The following SYT1 variants were observed in gnomAD, a reference collection of about 807,000 sequenced individuals.
SYT1 encodes the protein synaptotagmin 1, also known as synaptotagmin-1.
A neutral mutation model predicts 44.8 loss-of-function variants in SYT1; 8 were observed. The observed-to-expected ratio is 0.18, with a 90% CI of 0.10 to 0.32. The LOEUF (loss-of-function observed/expected upper bound fraction) is 0.32. Ranked by LOEUF, SYT1 falls within the 10% of genes least tolerant of loss-of-function variation. The probability of loss-of-function intolerance (pLI) is 1.00; values close to 1 mark genes in which losing one functional copy is unlikely to be tolerated. For missense variants in SYT1, 286 were observed against 509.3 expected (o/e 0.56, Z 4.22); for synonymous variants, 154 against 188.8 (o/e 0.82, Z 1.51).
chr12:79,402,159 C>A (rs1303410235), intron 9 of SYT1, among the ~76,000 whole-genome samples: 1 of 152,086 alleles, frequency 6.6e-6, no homozygotes, highest in Non-Finnish European at 1.5e-5. Context: ...CTACACTCCA[C>A]CCATCGCAAG....
intron 3 of SYT1, among the ~76,000 whole-genome samples, chr12:79,209,155 C>G (rs1406016786): frequency 6.6e-6 from 1 of 152,166 alleles, no homozygotes; most frequent in Non-Finnish European, 1.5e-5. Context: ...TTGCTTCCCA[C>G]TTACTTCCCT....
rs114302789 is a variant in SYT1, at chr12:79,208,781, G to A, written c.-17-8722G>A. 6.3e-3 allele frequency among the ~76,000 whole-genome samples: 962 copies of A among 152,274 alleles called. 10 individuals are homozygous for A. The highest frequency in any genetic ancestry group is 0.022 in the African/African-American group (925 of 41,548). On this transcript the variant is annotated intron_variant, in intron 3 of 10. Transcript: ENST00000261205. ...ACACCTCTTCAATGTTTGTATTGTG[G>A]GATTTGTGACATTGCGGAAGAATGT...
At chr12:78,919,831 T>G (rs1876878412) in intron 1 of SYT1, among the ~76,000 whole-genome samples, 1 of 152,044 alleles carries the variant, frequency 6.6e-6, no homozygotes, top group Non-Finnish European at 1.5e-5. Context: ...AATTTTTACC[T>G]GTCCAAGAAA....
In SYT1 at chr12:79,378,968, C is replaced by T. The variant is rs142880536; in HGVS notation, c.928+25349C>T. On this transcript the variant is annotated intron_variant, in intron 9 of 10. Transcript: ENST00000261205. ...TCCAAAATCGATAGAAAAATTAGTACATGTTTGAAAACAGACTTTGGGTCA... is the reference window on the plus strand; with the variant it reads ...TCCAAAATCGATAGAAAAATTAGTATATGTTTGAAAACAGACTTTGGGTCA... Among the ~76,000 whole-genome samples, 314 of 152,262 alleles carry T rather than the reference C, an allele frequency of 2.1e-3. 5 individuals carry two copies. The highest frequency in any genetic ancestry group is 7.1e-3 in the African/African-American group (296 of 41,568).
chr12:78,938,417 A>G (rs1202320820), intron 1 of SYT1, among the ~76,000 whole-genome samples: 4 of 152,222 alleles, frequency 2.6e-5, no homozygotes, highest in Non-Finnish European at 5.9e-5. Flanking sequence ...CTTGTCATAA[A>G]GTATGAATTA....
At chr12:79,109,343 G>A (rs1878889302) in intron 3 of SYT1, among the ~76,000 whole-genome samples, 2 of 152,170 alleles carry the variant, frequency 1.3e-5, no homozygotes, top group African/African-American at 2.4e-5. Context: ...CAAACCCTAT[G>A]TGATGGATGT....
chr12:79,234,321 C>T (rs1876047552), intron 4 of SYT1, among the ~76,000 whole-genome samples: 1 of 152,106 alleles, frequency 6.6e-6, no homozygotes, highest in Admixed American at 6.5e-5. Context: ...TAAGATGCAC[C>T]CATTGAAAAT....
chr12:78,959,916 G>A (rs575530231), intron 1 of SYT1, among the ~76,000 whole-genome samples: 7 of 152,274 alleles, frequency 4.6e-5, no homozygotes, highest in Admixed American at 3.9e-4. Flanking sequence ...TATAGAGTTT[G>A]AACTGCAGGT....
intron 3 of SYT1, among the ~76,000 whole-genome samples, chr12:79,138,513 CTA>C (rs1357430802): frequency 6.6e-6 from 1 of 152,230 alleles, no homozygotes; most frequent in East Asian, 1.9e-4. Context: ...TCTCTCACTT[CTA>C]TTCACCTCCT....
chr12:79,207,456 C>T (rs1485309895), intron 3 of SYT1, among the ~76,000 whole-genome samples: 4 of 152,238 alleles, frequency 2.6e-5, no homozygotes, highest in East Asian at 3.9e-4. Context: ...TGGTTTGCTG[C>T]GTCCATCAAC....
intron 9 of SYT1, among the ~76,000 whole-genome samples, chr12:79,371,660 G>T (rs889932293): frequency 6.6e-6 from 1 of 152,210 alleles, no homozygotes; most frequent in Non-Finnish European, 1.5e-5. Context: ...AAGAGTGGCC[G>T]TGAAACAGTG....
chr12:79,124,424 A>G (rs1868339709), intron 3 of SYT1, among the ~76,000 whole-genome samples: 1 of 152,208 alleles, frequency 6.6e-6, no homozygotes, highest in African/African-American at 2.4e-5. Context: ...ATCTTCTGAG[A>G]TTACAACTTA....
At chr12:79,293,325 AAAAATAAAAT>A (rs71091659) in intron 6 of SYT1, among the ~76,000 whole-genome samples, 4,256 of 111,388 alleles carry the variant, frequency 0.038, 106 homozygotes, top group South Asian at 0.052. Flanking sequence ...CTCCATCTCA[AAAAATAAAAT>A]AAAATAAAAT....
chr12:79,242,377 T>C (rs1310347379), intron 4 of SYT1, among the ~76,000 whole-genome samples: 1 of 152,120 alleles, frequency 6.6e-6, no homozygotes, highest in Non-Finnish European at 1.5e-5. Flanking sequence ...ATGTCTACTT[T>C]GGATTGTGTG....
intron 4 of SYT1, among the ~76,000 whole-genome samples, chr12:79,238,374 T>C (rs1876311925): frequency 6.6e-6 from 1 of 152,184 alleles, no homozygotes. Context: ...ATGCTTCAGA[T>C]ATATCACAGA....
intron 1 of SYT1, among the ~76,000 whole-genome samples, chr12:78,892,678 A>T (rs1875122319): frequency 6.6e-6 from 1 of 151,800 alleles, no homozygotes; most frequent in South Asian, 2.1e-4. Context: ...ATTTAAAAGG[A>T]AGTCAAAAGG....
chr12:79,178,070 T>A (rs1045582347), intron 3 of SYT1, among the ~76,000 whole-genome samples: 1 of 152,018 alleles, frequency 6.6e-6, no homozygotes, highest in Non-Finnish European at 1.5e-5. Flanking sequence ...ATTTGTCAAT[T>A]TTGGCTTTTG....
chr12:79,391,192 G>C (rs1242881781), intron 9 of SYT1, among the ~76,000 whole-genome samples: 1 of 152,150 alleles, frequency 6.6e-6, no homozygotes, highest in South Asian at 2.1e-4. Context: ...GAAGTTCTGG[G>C]GGGCATTTGT....
At chr12:79,073,862 T>C (rs1040465110) in intron 3 of SYT1, among the ~76,000 whole-genome samples, 1 of 152,170 alleles carries the variant, frequency 6.6e-6, no homozygotes, top group East Asian at 1.9e-4. Flanking sequence ...TGTCTTCATA[T>C]ATAGCTTACT....
Sources: gnomAD v4.1 joint callset for allele counts (sites outside exome capture counted in the v4.1 genomes callset) on GRCh38, gnomAD v4.1.1 for gene constraint, MANE v1.5 for transcripts, NCBI Gene and HGNC (gene_info 2026-07-23, HGNC 2026-07-21) for gene names.